The following SIRPG variants were observed in gnomAD, a reference collection of about 807,000 sequenced individuals.
The protein encoded by SIRPG is signal-regulatory protein gamma.
A neutral mutation model predicts 35.7 loss-of-function variants in SIRPG; 38 were observed. The ratio of observed to expected loss-of-function variants is 1.06; its 90% CI spans 0.82 to 1.40. The LOEUF (loss-of-function observed/expected upper bound fraction) is 1.40. Among genes scored for constraint, SIRPG ranks in the 40% most tolerant of loss-of-function variants. SIRPG has a pLI of 0.00. For missense variants in SIRPG, 519 were observed against 483.0 expected (o/e 1.07, Z -0.70); for synonymous variants, 215 against 190.4 (o/e 1.13, Z -1.06).
the SIRPG span, chr20:1,671,036 G>A: frequency 2.4e-6 from 1 of 414,520 alleles, no homozygotes; most frequent in South Asian, 1.9e-5. Flanking sequence ...TCTCCTGCAG[G>A]GTCCACGTTG....
chr20:1,633,194 C>A (rs185616014), intron 4 of SIRPG, among the ~76,000 whole-genome samples: 1 of 151,980 alleles, frequency 6.6e-6, no homozygotes, highest in Non-Finnish European at 1.5e-5. Flanking sequence ...CGGAACTCAC[C>A]CAATATGAAA....
chr20:1,664,734 C>T, the SIRPG span, among the ~76,000 whole-genome samples: 8 of 152,270 alleles, frequency 5.3e-5, no homozygotes, highest in African/African-American at 1.4e-4. Context: ...GTTATGTTCC[C>T]GGTGCTGATC....
At chr20:1,667,826 A>G in the SIRPG span, among the ~76,000 whole-genome samples, 1 of 152,232 alleles carries the variant, frequency 6.6e-6, no homozygotes, top group East Asian at 1.9e-4. Flanking sequence ...GAGGACAGGT[A>G]AAGTCAAAAT....
chr20:1,632,229 C>T (rs797013993), intron 4 of SIRPG, among the ~76,000 whole-genome samples: 24 of 152,162 alleles, frequency 1.6e-4, no homozygotes, highest in African/African-American at 5.3e-4. Context: ...AAATATCCTC[C>T]CCAAATCAAA....
the SIRPG span, among the ~76,000 whole-genome samples, chr20:1,675,106 T>A: frequency 6.6e-6 from 1 of 152,264 alleles, no homozygotes; most frequent in Admixed American, 6.5e-5. Context: ...CCTGTAGCCA[T>A]AAAACACTAT....
At chr20:1,663,172 G>A in the SIRPG span, among the ~76,000 whole-genome samples, 1 of 152,090 alleles carries the variant, frequency 6.6e-6, no homozygotes, top group Non-Finnish European at 1.5e-5. Context: ...AATTAGCCGG[G>A]CGTGGTGGTG....
chr20:1,654,011 G>A (rs992039489), intron 1 of SIRPG, among the ~76,000 whole-genome samples: 3 of 152,078 alleles, frequency 2.0e-5, no homozygotes, highest in Non-Finnish European at 2.9e-5. Flanking sequence ...AGGCCGAAGC[G>A]AGCAGATCAC....
Position 1,635,437 on chromosome 20 carries a change from T to A in SIRPG, c.911A>T (p.Lys304Met), listed in dbSNP as rs762205668. The A allele has an allele frequency of 6.2e-7, 1 of 1,614,164 alleles. No individual in the cohort carries two copies. Among genetic ancestry groups the A allele is most frequent in the Non-Finnish European group, 8.5e-7 (1 of 1,180,016 alleles). Residue 304 changes from lysine to methionine, a missense_variant, in exon 4 of 6, where the codon AAG becomes ATG. By Grantham distance (95) the Lys-to-Met change is moderately conservative. Coordinates refer to ENST00000303415, the MANE Select transcript of SIRPG (RefSeq NM_018556.4). ...GCTTGTCCAGTTGTAGGTACCATCC[T>A]TGTTCTCTGTAAGGGTCGAGGCTGT... The part of the protein sequence containing the change: ...RETASTLTEN[K>M]DGTYNWTSWF...
chr20:1,638,768 T>A (rs1327059092), intron 2 of SIRPG, among the ~76,000 whole-genome samples: 1 of 121,492 alleles, frequency 8.2e-6, no homozygotes, highest in African/African-American at 3.1e-5. Context: ...CTCCTTCCCC[T>A]CACCCCCCCA....
chr20:1,684,475 T>C, the SIRPG span, among the ~76,000 whole-genome samples: 9 of 152,286 alleles, frequency 5.9e-5, no homozygotes, highest in African/African-American at 2.2e-4. Flanking sequence ...TTATACTATA[T>C]AAAGATGTTT....
chr20:1,642,888 A>T (rs538742126), intron 2 of SIRPG, among the ~76,000 whole-genome samples: 1 of 152,126 alleles, frequency 6.6e-6, no homozygotes, highest in Admixed American at 6.5e-5. Context: ...AGAATGTTGA[A>T]TATTGGCCCC....
At chr20:1,677,557 T>C in the SIRPG span, among the ~76,000 whole-genome samples, 10 of 152,244 alleles carry the variant, frequency 6.6e-5, no homozygotes, top group South Asian at 1.2e-3. Context: ...GAAATAACAT[T>C]GTTTTAAGCC....
chr20:1,670,095 T>C, the SIRPG span: 8 of 250,900 alleles, frequency 3.2e-5, no homozygotes, highest in Admixed American at 3.2e-4. Context: ...TCAATGAGGA[T>C]GGAGGCTGTT....
chr20:1,678,353 G>T, the SIRPG span, among the ~76,000 whole-genome samples: 1 of 152,094 alleles, frequency 6.6e-6, no homozygotes, highest in African/African-American at 2.4e-5. Context: ...TCAGGATTAT[G>T]ATACAGTAAC....
intron 1 of SIRPG, among the ~76,000 whole-genome samples, chr20:1,655,956 C>T (rs1444341926): frequency 6.6e-6 from 1 of 151,944 alleles, no homozygotes; most frequent in Admixed American, 6.6e-5. Flanking sequence ...TACACATTCA[C>T]AAATATATAT....
At chr20:1,667,127 G>A in the SIRPG span, among the ~76,000 whole-genome samples, 2 of 152,112 alleles carry the variant, frequency 1.3e-5, no homozygotes, top group African/African-American at 4.8e-5. Context: ...AAACTCTTGG[G>A]CTCAAGTGAT....
At chr20:1,633,278 AGGC>A (rs1191620236) in intron 4 of SIRPG, among the ~76,000 whole-genome samples, 2 of 152,200 alleles carry the variant, frequency 1.3e-5, no homozygotes, top group East Asian at 3.9e-4. Context: ...AAAATTCTTG[AGGC>A]CCAAGTGTTT....
chr20:1,645,466 C>T (rs751181959), intron 2 of SIRPG, among the ~76,000 whole-genome samples: 4 of 152,130 alleles, frequency 2.6e-5, no homozygotes, highest in East Asian at 1.9e-4. Context: ...TTGAAAGCCA[C>T]GAGACTCCAC....
chr20:1,672,183 A>G, the SIRPG span, among the ~76,000 whole-genome samples: 1 of 152,154 alleles, frequency 6.6e-6, no homozygotes, highest in Non-Finnish European at 1.5e-5. Context: ...CCCGGGATGC[A>G]GTGAGGATTA....
Sources: allele counts gnomAD v4.1 joint callset (sites outside exome capture counted in the v4.1 genomes callset), GRCh38; gene constraint gnomAD v4.1.1; transcripts MANE v1.5; gene names NCBI Gene and HGNC (gene_info 2026-07-23, HGNC 2026-07-21).